SLC30A6: variants seen among roughly 807,000 people sequenced by gnomAD.
The protein encoded by SLC30A6 is zinc transporter 6.
A neutral mutation model predicts 63.0 loss-of-function variants in SLC30A6; 55 were observed. The ratio of observed to expected loss-of-function variants is 0.87; its 90% confidence interval spans 0.70 to 1.09. The LOEUF is 1.09. Ranked by LOEUF, SLC30A6 falls within the 50% of genes least tolerant of loss-of-function variation. The pLI is 0.00. For missense variants in SLC30A6, 587 were observed against 549.2 expected (o/e 1.07, Z -0.69); for synonymous variants, 224 against 186.1 (o/e 1.20, Z -1.66).
In SLC30A6 at chr2:32,207,393, T is replaced by C. The variant is rs563411152; in HGVS notation, c.816+460T>C. Among the ~76,000 whole-genome samples, 11 of 151,968 alleles carry C rather than the reference T, an allele frequency of 7.2e-5. No homozygotes were observed. In the East Asian group the frequency reaches 2.1e-3, roughly 29 times the overall value. On this transcript the variant is annotated intron_variant, in intron 12 of 13. Transcript: ENST00000282587. ...GCCCAGCTAACTTTTTCTTTTTTTT[T>C]TGAGACAGAGTCTTGCTCTGTCGCC... is the stretch of plus-strand genomic sequence containing the variant.
At chr2:32,202,023 GAAAAA>G (rs369983441) in intron 10 of SLC30A6, 36 of 886,950 alleles carry the variant, frequency 4.1e-5, no homozygotes, top group Non-Finnish European at 5.3e-5. Context: ...TGATGAATAT[GAAAAA>G]AAAAAAGCAA....
chr2:32,192,445 T>TC, intron 6 of SLC30A6, 29 bp downstream of exon 6: 1 of 1,586,660 alleles, frequency 6.3e-7, no homozygotes, highest in Non-Finnish European at 8.6e-7. Flanking sequence ...TTATTCTAAA[T>TC]CCCCCCATGA....
chr2:32,205,383 T>C (rs1684666392), intron 11 of SLC30A6, among the ~76,000 whole-genome samples: 1 of 152,118 alleles, frequency 6.6e-6, no homozygotes, highest in Admixed American at 6.6e-5. Context: ...ATTGTACCAC[T>C]GCATCCAGCC....
At chr2:32,219,697 A>G (rs890456673) in intron 13 of SLC30A6, among the ~76,000 whole-genome samples, 1 of 152,158 alleles carries the variant, frequency 6.6e-6, no homozygotes, top group Non-Finnish European at 1.5e-5. Context: ...CGGCCTCCCA[A>G]AGTGCTGGGA....
chr2:32,178,837 T>C (rs908278085), intron 4 of SLC30A6, among the ~76,000 whole-genome samples: 1 of 152,220 alleles, frequency 6.6e-6, no homozygotes, highest in African/African-American at 2.4e-5. Flanking sequence ...AATTGGAAAG[T>C]GTGGATATTC....
chr2:32,191,533 TG>T (rs1683319575), intron 5 of SLC30A6, among the ~76,000 whole-genome samples: 2 of 152,216 alleles, frequency 1.3e-5, no homozygotes, highest in Non-Finnish European at 2.9e-5. Flanking sequence ...TCCTGGCCTC[TG>T]GCTTATAGTC....
At chr2:32,180,956 ACGTTTCAG>A (rs1682257568) in intron 4 of SLC30A6, among the ~76,000 whole-genome samples, 1 of 152,218 alleles carries the variant, frequency 6.6e-6, no homozygotes, top group African/African-American at 2.4e-5. Flanking sequence ...TCGCTACATA[ACGTTTCAG>A]ATGAAAGGTG....
chr2:32,185,691 C>G (rs999555223), intron 5 of SLC30A6, among the ~76,000 whole-genome samples: 10 of 151,884 alleles, frequency 6.6e-5, no homozygotes, highest in Admixed American at 1.3e-4. Flanking sequence ...AATCATAAAT[C>G]AAAATGAATT....
At chr2:32,190,443 AGTGAGACTCCG>A in intron 5 of SLC30A6, among the ~76,000 whole-genome samples, 1 of 149,226 alleles carries the variant, frequency 6.7e-6, no homozygotes, top group East Asian at 2.0e-4. Flanking sequence ...TGGGCGACAG[AGTGAGACTCCG>A]TCTCAAAAAA....
intron 13 of SLC30A6, among the ~76,000 whole-genome samples, chr2:32,213,692 CTTAGTTTTA>C (rs955274062): frequency 1.3e-5 from 2 of 151,410 alleles, no homozygotes; most frequent in Non-Finnish European, 2.9e-5. Context: ...TTTTAGTTTT[CTTAGTTTTA>C]CATTATCTAA....
At chr2:32,193,602 G>A (rs966615665) in intron 7 of SLC30A6, among the ~76,000 whole-genome samples, 1 of 152,002 alleles carries the variant, frequency 6.6e-6, no homozygotes, top group Non-Finnish European at 1.5e-5. Context: ...CCAGTATATC[G>A]TAAAACAAAT....
rs547553733 is a variant in SLC30A6, at chr2:32,169,137, C to CAT, written c.4-2142_4-2141dup. Reference sequence around the variant, plus strand: ...GAATATATATACATATGTACATACACATATATATAATATTTATACATATGT... The same window carrying CAT: ...GAATATATATACATATGTACATACACATATATATATAATATTTATACATATGT... On this transcript the variant is annotated intron_variant, in intron 1 of 13. Coordinates refer to ENST00000282587, the MANE Select transcript of SLC30A6 (RefSeq NM_017964.5). Among the ~76,000 whole-genome samples the CAT allele has an allele frequency of 4.2e-3, 636 of 152,014 alleles. 2 individuals are homozygous for CAT. Among genetic ancestry groups the CAT allele is most frequent in the Non-Finnish European group, 6.8e-3 (462 of 67,984 alleles).
chr2:32,211,846 C>CT (rs1468646221), intron 13 of SLC30A6, among the ~76,000 whole-genome samples: 1 of 152,144 alleles, frequency 6.6e-6, no homozygotes, highest in Non-Finnish European at 1.5e-5. Flanking sequence ...TCTCAGACTC[C>CT]TGACCTCAAG....
chr2:32,199,634 T>C lies in SLC30A6; in HGVS notation c.665+1808T>C, dbSNP rs151177672. On this transcript the variant is annotated intron_variant, in intron 10 of 13. Transcript: ENST00000282587. The stretch of plus-strand genomic sequence containing the variant: ...GTAGTAACCCTGTTTTGCTATCAAA[T>C]AGTAGATTTTATTTATTCTAACTAT... 1.2e-3 allele frequency among the ~76,000 whole-genome samples: 187 copies of C among 152,326 alleles called. 1 individual carries two copies. In the East Asian group the frequency reaches 0.033, roughly 27 times the overall value.
At chr2:32,194,846 A>G (rs373717159) in intron 8 of SLC30A6, among the ~76,000 whole-genome samples, 1 of 152,158 alleles carries the variant, frequency 6.6e-6, no homozygotes, top group African/African-American at 2.4e-5. Flanking sequence ...GAATTTCTTG[A>G]AAAAAATTCA....
chr2:32,192,917 G>T lies in SLC30A6; in HGVS notation c.366-1G>T. 6.6e-7 allele frequency: 1 copy of T among 1,522,826 alleles called. No homozygotes were observed. Among genetic ancestry groups the T allele is most frequent in the Non-Finnish European group, 8.9e-7 (1 of 1,122,928 alleles). The allele number at this position is 1,522,826 out of a possible 1,614,324, so 94.3% of individuals were successfully genotyped here. On this transcript the variant is annotated splice_acceptor_variant, in intron 6 of 13. Coordinates refer to ENST00000282587, the MANE Select transcript of SLC30A6 (RefSeq NM_017964.5). LOFTEE classifies it high-confidence loss of function. ...ATTTAATATATTTTTATTTCTTATA[G>T]TGCAGAACGCTTTTTGGAACAGCCC...
intron 10 of SLC30A6, chr2:32,201,729 T>A: frequency 7.5e-7 from 1 of 1,331,560 alleles, no homozygotes; most frequent in South Asian, 1.2e-5. Context: ...ATTATGGACC[T>A]GTACTTCCCT....
At chr2:32,194,092 CAA>C (rs562626539) in intron 8 of SLC30A6, 109 bp downstream of exon 8, 18 of 781,946 alleles carry the variant, frequency 2.3e-5, no homozygotes, top group South Asian at 8.1e-5. Context: ...ATTCTGAAGA[CAA>C]GAGAGAACTA....
In SLC30A6 at chr2:32,217,050, G is replaced by A. The variant is rs925787945; in HGVS notation, c.886-3163G>A. On this transcript the variant is annotated intron_variant, in intron 13 of 13. Transcript: ENST00000282587. Reference sequence around the variant, plus strand: ...ACTGCAGGCATTTGCCACCACGCCCGGCAAATTTTTTTTTTTTTTTCCATT... The same window carrying A: ...ACTGCAGGCATTTGCCACCACGCCCAGCAAATTTTTTTTTTTTTTTCCATT... Among the ~76,000 whole-genome samples the A allele has an allele frequency of 2.1e-4, 32 of 151,002 alleles. 1 individual carries two copies. The highest frequency in any genetic ancestry group is 1.3e-4 in the Admixed American group (2 of 15,136).
Sources: allele counts gnomAD v4.1 joint callset (sites outside exome capture counted in the v4.1 genomes callset), GRCh38; gene constraint gnomAD v4.1.1; transcripts MANE v1.5; gene names NCBI Gene and HGNC (gene_info 2026-07-23, HGNC 2026-07-21).